Variants in KMT2C observed in about 807,000 individuals in gnomAD.
KMT2C encodes the protein histone-lysine N-methyltransferase 2C.
In KMT2C, 88 loss-of-function variants were observed where a neutral mutation model predicts 507.9. That is an observed-to-expected ratio of 0.17 (90% CI 0.15 to 0.21). KMT2C has a LOEUF of 0.21. Among genes scored for constraint, KMT2C ranks in the 10% least tolerant of loss-of-function variants. The pLI is 1.00. For missense variants in KMT2C, 4,954 were observed against 5,957.8 expected (o/e 0.83, Z 5.55); for synonymous variants, 2,049 against 2,080.8 (o/e 0.98, Z 0.42).
intron 6 of KMT2C, among the ~76,000 whole-genome samples, chr7:152,295,146 G>A (rs1243870987): frequency 6.6e-6 from 1 of 151,960 alleles, no homozygotes; most frequent in Admixed American, 6.6e-5. Context: ...TCATCTTTAT[G>A]TTTTACACAT....
At chr7:152,251,025 G>C (rs2095554793) in intron 11 of KMT2C, 59 bp from the exon 12 acceptor site, 5 of 940,174 alleles carry the variant, frequency 5.3e-6, no homozygotes, top group Non-Finnish European at 8.5e-6. Context: ...TGTTCATTAA[G>C]TCAACAATTA....
Position 152,187,581 on chromosome 7 carries a change from CAT to C in KMT2C, c.4794-107_4794-106del, listed in dbSNP as rs1313618148. ...CCTATTACAAAACAGTTAAAAGTAA[CAT>C]ATTTATAGCAAAAGCCACAATAAAC... On this transcript the variant is annotated intron_variant, in intron 32 of 58. Coordinates refer to ENST00000262189, the MANE Select transcript of KMT2C (RefSeq NM_170606.3). The C allele has an allele frequency of 3.0e-5, 42 of 1,416,500 alleles. 1 individual carries two copies. The South Asian group carries it at 4.4e-4, about 15-fold the overall frequency. The allele number at this position is 1,416,500 out of a possible 1,614,324, so 87.7% of individuals were successfully genotyped here.
chr7:152,256,246 G>C (rs1292526172), intron 9 of KMT2C, among the ~76,000 whole-genome samples: 6 of 144,562 alleles, frequency 4.2e-5, no homozygotes, highest in Non-Finnish European at 9.2e-5. Flanking sequence ...GTAGGGAAAG[G>C]CTTTCTGAAT....
chr7:152,216,512 TTA>T (rs1471771155), intron 23 of KMT2C, among the ~76,000 whole-genome samples: 1 of 152,226 alleles, frequency 6.6e-6, no homozygotes, highest in East Asian at 1.9e-4. Context: ...TGAAGATCAC[TTA>T]TAGTCAATAA....
In KMT2C at chr7:152,338,148, G is replaced by A. The variant is rs543341185; in HGVS notation, c.251-7409C>T. On this transcript the variant is annotated intron_variant, in intron 2 of 58. Transcript: ENST00000262189. ...GCTGGGATTACAGGCATGAGCCACC[G>A]TGCCCAGCCCTCACCTACTCAATTT... Among the ~76,000 whole-genome samples the A allele has an allele frequency of 2.1e-4, 32 of 152,186 alleles. 2 individuals are homozygous for A. The South Asian group carries it at 6.0e-3, about 29-fold the overall frequency.
At chr7:152,259,446 G>GCGCACACACACACACACACACACACA (rs1188729137) in intron 9 of KMT2C, among the ~76,000 whole-genome samples, 1 of 134,688 alleles carries the variant, frequency 7.4e-6, no homozygotes, top group Admixed American at 7.3e-5. Flanking sequence ...ACACACACGC[G>GCGCACACACACACACACACACACACA]CACACACACA....
intron 49 of KMT2C, 78 bp from the exon 50 acceptor site, chr7:152,151,659 AT>A: frequency 1.7e-6 from 2 of 1,160,294 alleles, no homozygotes; most frequent in Non-Finnish European, 2.5e-6. Context: ...ATTATGCAGT[AT>A]CAACTCATTA....
At position 152,139,173 on chromosome 7, in the gene KMT2C, C is replaced by G; in HGVS notation, c.14534+13G>C. 6.2e-7 allele frequency: 1 copy of G among 1,613,652 alleles called. No individual in the cohort carries two copies. Among genetic ancestry groups the G allele is most frequent in the African/African-American group, 1.3e-5 (1 of 75,044 alleles). On this transcript the variant is annotated intron_variant, in intron 57 of 58. Transcript: ENST00000262189. ...AGCAAAAGCACTCCCCGTCAGGTTC[C>G]TCGCTGTCTCACCTTGCGGGCCCTC...
chr7:152,292,851 A>G (rs2096450481), intron 6 of KMT2C, among the ~76,000 whole-genome samples: 2 of 152,202 alleles, frequency 1.3e-5, no homozygotes, highest in Non-Finnish European at 2.9e-5. Context: ...AGGGGAAAAG[A>G]AAATTTAAGG....
intron 6 of KMT2C, among the ~76,000 whole-genome samples, chr7:152,290,258 G>GTGTGTGTATATA (rs1337492088): frequency 7.6e-5 from 2 of 26,264 alleles, no homozygotes; most frequent in African/African-American, 2.8e-4. Context: ...GTGTGTATGT[G>GTGTGTGTATATA]TATATATATA....
intron 6 of KMT2C, among the ~76,000 whole-genome samples, chr7:152,296,067 CAAAAAAAA>C (rs34144566): frequency 2.2e-5 from 1 of 45,430 alleles, no homozygotes; most frequent in East Asian, 6.9e-4. Context: ...GACTCCGTCT[CAAAAAAAA>C]AAAAAAAAAA....
At chr7:152,257,865 G>GCACA (rs113752747) in intron 9 of KMT2C, among the ~76,000 whole-genome samples, 21 of 147,314 alleles carry the variant, frequency 1.4e-4, no homozygotes, top group East Asian at 4.0e-4. Flanking sequence ...ACACACACAC[G>GCACA]CACACACACA....
In KMT2C at chr7:152,176,793, G is replaced by T. The variant is rs571543770; in HGVS notation, c.8660C>A (p.Ala2887Asp). Residue 2887 changes from alanine to aspartate, a missense_variant, in exon 38 of 59, where the codon GCT becomes GAT. Transcript: ENST00000262189. The part of the protein sequence containing the change: ...LFEKRTNRET[A>D]GPSANVIQAS... Reference sequence around the variant, plus strand: ...CTGAATGACATTTGCACTGGGGCCAGCAGTTTCTCGATTGGTTCTTTTCTC... The same window carrying T: ...CTGAATGACATTTGCACTGGGGCCATCAGTTTCTCGATTGGTTCTTTTCTC... The T allele has an allele frequency of 6.2e-7, 1 of 1,614,198 alleles. No individual in the cohort carries two copies. Among genetic ancestry groups the T allele is most frequent in the Non-Finnish European group, 8.5e-7 (1 of 1,180,040 alleles).
At chr7:152,284,832 AG>A (rs941582337) in intron 6 of KMT2C, among the ~76,000 whole-genome samples, 29 of 152,390 alleles carry the variant, frequency 1.9e-4, no homozygotes, top group Admixed American at 6.5e-4. Context: ...ATTAATCATC[AG>A]GGAATGCAAA....
chr7:152,244,083 T>A (rs1281065138), intron 14 of KMT2C, among the ~76,000 whole-genome samples: 1 of 152,194 alleles, frequency 6.6e-6, no homozygotes, highest in East Asian at 1.9e-4. Flanking sequence ...AAACAAATGT[T>A]ATGATTTAAT....
chr7:152,429,267 T>C (rs1222223065), intron 1 of KMT2C, among the ~76,000 whole-genome samples: 2 of 152,160 alleles, frequency 1.3e-5, no homozygotes, highest in Non-Finnish European at 2.9e-5. Flanking sequence ...AAAAGTTACA[T>C]AGAAGTATAG....
chr7:152,162,197 GTTT>G lies in KMT2C; in HGVS notation c.11377_11379del (p.Lys3793del). ...TCTTCTGAACAAATACTGCCCTCAG[GTTT>G]TTGATTCAAAAGAGAAGATGACTTT... On this transcript the variant is annotated inframe_deletion, in exon 43 of 59. Coordinates refer to ENST00000262189, the MANE Select transcript of KMT2C (RefSeq NM_170606.3). The G allele has an allele frequency of 6.2e-7, 1 of 1,613,536 alleles. No individual in the cohort carries two copies. Among genetic ancestry groups the G allele is most frequent in the African/African-American group, 1.3e-5 (1 of 75,010 alleles).
At chr7:152,290,288 ATATATATTTTTTTTTTT>A (rs2096401941) in intron 6 of KMT2C, among the ~76,000 whole-genome samples, 16 of 31,958 alleles carry the variant, frequency 5.0e-4, no homozygotes, top group African/African-American at 2.4e-3. Context: ...ATATATATAT[ATATATATTTTTTTTTTT>A]TTTTTTTTTT....
chr7:152,250,329 CAA>C (rs1395695932), intron 12 of KMT2C, among the ~76,000 whole-genome samples: 1 of 152,016 alleles, frequency 6.6e-6, no homozygotes, highest in Non-Finnish European at 1.5e-5. Flanking sequence ...CATACAACAC[CAA>C]AGACTTTCAG....
Sources: allele counts gnomAD v4.1 joint callset (sites outside exome capture counted in the v4.1 genomes callset), GRCh38; gene constraint gnomAD v4.1.1; transcripts MANE v1.5; gene names NCBI Gene and HGNC (gene_info 2026-07-23, HGNC 2026-07-21).